TTLL12: variants seen among roughly 807,000 people sequenced by gnomAD.
TTLL12 encodes the protein tubulin--tyrosine ligase-like protein 12.
TTLL12 carries 77 observed loss-of-function variants against 79.6 expected under a neutral mutation model. The observed-to-expected ratio is 0.97, with a 90% confidence interval of 0.81 to 1.17. The LOEUF is 1.17. Among genes scored for constraint, TTLL12 ranks in the 50% most tolerant of loss-of-function variants. The probability of loss-of-function intolerance (pLI) is 0.00; values close to 1 mark genes in which losing one functional copy is unlikely to be tolerated. For missense variants in TTLL12, 969 were observed against 895.9 expected (o/e 1.08, Z -1.04); for synonymous variants, 437 against 376.1 (o/e 1.16, Z -1.87).
chr22:43,186,577 C>T (rs1163668521), intron 1 of TTLL12, among the ~76,000 whole-genome samples: 1 of 152,210 alleles, frequency 6.6e-6, no homozygotes, highest in African/African-American at 2.4e-5. Flanking sequence ...CCGCAGTGTT[C>T]TCATCTGTGA....
chr22:43,186,998 G>A lies in TTLL12; in HGVS notation c.72C>T (p.Gly24=), dbSNP rs1601779368. The change falls in exon 1 of 14, where the codon GGC becomes GGT. Residue 24 remains glycine, a synonymous_variant. Transcript: ENST00000216129. ...RSSPGQTPEE[G]AQALAEFAAL... ...CCGCGAACTCGGCCAAGGCCTGCGC[G>A]CCCTCCTCCGGCGTCTGGCCCGGGC... 6 of 1,277,514 alleles carry A rather than the reference G, an allele frequency of 4.7e-6. No individual in the cohort carries two copies. Among genetic ancestry groups the A allele is most frequent in the South Asian group, 4.5e-5 (2 of 44,294 alleles). The allele number at this position is 1,277,514 out of a possible 1,614,324, so 79.1% of individuals were successfully genotyped here.
At chr22:43,186,644 G>A (rs1932192320) in intron 1 of TTLL12, among the ~76,000 whole-genome samples, 1 of 152,170 alleles carries the variant, frequency 6.6e-6, no homozygotes, top group Non-Finnish European at 1.5e-5. Flanking sequence ...GGTGTGTGGA[G>A]GACCTAAAGT....
Position 43,182,960 on chromosome 22 carries a change from G to A in TTLL12, c.347+20C>T, listed in dbSNP as rs764423413. Reference sequence around the variant, plus strand: ...TTCACCAAGTGAAGGTTGTGGTGGTGTCTCTGGCCAGGCTCCTACCTGTTG... The same window carrying A: ...TTCACCAAGTGAAGGTTGTGGTGGTATCTCTGGCCAGGCTCCTACCTGTTG... On this transcript the variant is annotated intron_variant, in intron 2 of 13. Transcript: ENST00000216129. 156 of 1,607,992 alleles carry A rather than the reference G, an allele frequency of 9.7e-5. No individual in the cohort carries two copies. The highest frequency in any genetic ancestry group is 1.3e-4 in the Non-Finnish European group (149 of 1,175,676).
chr22:43,179,820 G>A (rs1469328778), intron 4 of TTLL12, 21 bp downstream of exon 4: 1 of 1,561,028 alleles, frequency 6.4e-7, no homozygotes, highest in Admixed American at 1.8e-5. Context: ...CTCCTCCAGG[G>A]CGGGCAGGTG....
At chr22:43,172,877 T>C (rs1247939462) in intron 9 of TTLL12, among the ~76,000 whole-genome samples, 1 of 152,062 alleles carries the variant, frequency 6.6e-6, no homozygotes, top group East Asian at 1.9e-4. Context: ...TCTGTATTTT[T>C]AGTAGAGAAG....
Position 43,187,117 on chromosome 22 carries a change from C to G in TTLL12, c.-48G>C, listed in dbSNP as rs1352132629. 1.2e-4 allele frequency: 122 copies of G among 1,057,088 alleles called. 3 individuals carry two copies. Among genetic ancestry groups the G allele is most frequent in the Admixed American group, 2.2e-4 (4 of 17,910 alleles). The allele number at this position is 1,057,088 out of a possible 1,614,324, so 65.5% of individuals were successfully genotyped here. ...CCAGCGCCGCCACCGCCGCCGCCGC[C>G]CGCCGTCCGTCGGCCCTGCCCTCCC... On this transcript the variant is annotated 5_prime_UTR_variant, in exon 1 of 14. Transcript: ENST00000216129.
chr22:43,173,708 G>T lies in TTLL12; in HGVS notation c.1341+7C>A, dbSNP rs775536714. 1.3e-6 allele frequency: 2 copies of T among 1,599,902 alleles called. No individual in the cohort carries two copies. Among genetic ancestry groups the T allele is most frequent in the South Asian group, 2.2e-5 (2 of 91,026 alleles). On this transcript the variant is annotated splice_region_variant and intron_variant, in intron 9 of 13. Coordinates refer to ENST00000216129, the MANE Select transcript of TTLL12 (RefSeq NM_015140.4). ...GAGCCCTGGGGCTCCTGGTCTGCGGGGCCCACCTTGGGGGTGCTCTCTCGG... is the reference window on the plus strand; with the variant it reads ...GAGCCCTGGGGCTCCTGGTCTGCGGTGCCCACCTTGGGGGTGCTCTCTCGG...
Position 43,167,826 on chromosome 22 carries a change from A to AG in TTLL12, c.*181dup. The stretch of plus-strand genomic sequence containing the variant: ...ACTGTCCTGCTCTGACCCACAGGTG[A>AG]GAGGAGGATGCTGTGCTCCCGGAGT... On this transcript the variant is annotated 3_prime_UTR_variant, in exon 14 of 14. Coordinates refer to ENST00000216129, the MANE Select transcript of TTLL12 (RefSeq NM_015140.4). 2 of 671,524 alleles carry AG rather than the reference A, an allele frequency of 3.0e-6. No individual in the cohort carries two copies. Among genetic ancestry groups the AG allele is most frequent in the Non-Finnish European group, 5.0e-6 (2 of 402,958 alleles). The allele number at this position is 671,524 out of a possible 1,614,324, so 41.6% of individuals were successfully genotyped here.
In TTLL12 at chr22:43,186,954, A is replaced by G; in HGVS notation, c.116T>C (p.Leu39Pro). Residue 39 changes from leucine (L) to proline (P), a missense_variant, in exon 1 of 14, where the codon CTG becomes CCG. Physicochemically the swap from Leu to Pro is moderately conservative, Grantham distance 98. Coordinates refer to ENST00000216129, the MANE Select transcript of TTLL12 (RefSeq NM_015140.4). ...ACGTTCGGGGACCCCCGAAGCGCGCAGCGCCGGGCCGTGCAGCGCCGCGAA... is the reference window on the plus strand; with the variant it reads ...ACGTTCGGGGACCCCCGAAGCGCGCGGCGCCGGGCCGTGCAGCGCCGCGAA... ...AEFAALHGPALRASGVPERYW... is the reference protein window; with the variant it reads ...AEFAALHGPAPRASGVPERYW... The G allele has an allele frequency of 7.4e-7, 1 of 1,346,374 alleles. No individual in the cohort carries two copies. The highest frequency in any genetic ancestry group is 1.7e-5 in the South Asian group (1 of 59,550). 83.4% of individuals were successfully genotyped at this position (1,346,374 alleles called of 1,614,324 possible).
At position 43,172,595 on chromosome 22, in the gene TTLL12, AG is replaced by A. The variant is rs1931795702; in HGVS notation, c.1342-42del. Reference sequence around the variant, plus strand: ...GCAAGCTCGCTGGTGGCCAGGACAGAGCCCCCTGGGGCTCCCGAGCACACAA... The same window carrying A: ...GCAAGCTCGCTGGTGGCCAGGACAGACCCCCTGGGGCTCCCGAGCACACAA... On this transcript the variant is annotated intron_variant, in intron 9 of 13. Coordinates refer to ENST00000216129, the MANE Select transcript of TTLL12 (RefSeq NM_015140.4). 1.9e-6 allele frequency: 3 copies of A among 1,612,430 alleles called. No individual in the cohort carries two copies. The South Asian group carries it at 3.3e-5, about 18-fold the overall frequency.
intron 2 of TTLL12, 149 bp downstream of exon 2, chr22:43,182,831 G>A: frequency 9.0e-7 from 1 of 1,108,838 alleles, no homozygotes; most frequent in South Asian, 1.6e-5. Flanking sequence ...AAGCCCTGAT[G>A]GACACACCGC....
In TTLL12 at chr22:43,179,729, A is replaced by T. The variant is rs373925828; in HGVS notation, c.730T>A (p.Tyr244Asn). The T allele has an allele frequency of 1.7e-5, 27 of 1,563,892 alleles. No homozygotes were observed. Among genetic ancestry groups the T allele is most frequent in the Non-Finnish European group, 2.3e-5 (27 of 1,153,740 alleles). Residue 244 changes from tyrosine (Y) to asparagine (N), a missense_variant, in exon 5 of 14, where the codon TAC becomes AAC. Coordinates refer to ENST00000216129, the MANE Select transcript of TTLL12 (RefSeq NM_015140.4). Reference protein sequence around the residue: ...TGEEVTRDFAYGETDPLIRKC... With the variant: ...TGEEVTRDFANGETDPLIRKC... ...CGGATCAGGGGGTCCGTCTCTCCGTAGGCAAAGTCTCGGGTCACCTCCTCT... is the reference window on the plus strand; with the variant it reads ...CGGATCAGGGGGTCCGTCTCTCCGTTGGCAAAGTCTCGGGTCACCTCCTCT...
In TTLL12 at chr22:43,174,278, A is replaced by C; in HGVS notation, c.1160T>G (p.Leu387Arg). 1 of 1,611,060 alleles carries C rather than the reference A, an allele frequency of 6.2e-7. No homozygotes were observed. Among genetic ancestry groups the C allele is most frequent in the Non-Finnish European group, 8.5e-7 (1 of 1,179,786 alleles). ...AGTGCGCAGGTTGAAGGTTCGGGGC[A>C]GCCAGGGTGGGCCCTCGGGGCCACC... is the stretch of plus-strand genomic sequence containing the variant. The part of the protein sequence containing the change: ...RAGGPEGPPW[L>R]PRTFNLRTEL... Residue 387 changes from leucine (L) to arginine (R), a missense_variant, in exon 8 of 14, where the codon CTG becomes CGG. Transcript: ENST00000216129.
At chr22:43,186,360 A>G (rs1932186587) in intron 1 of TTLL12, among the ~76,000 whole-genome samples, 1 of 152,234 alleles carries the variant, frequency 6.6e-6, no homozygotes, top group Non-Finnish European at 1.5e-5. Context: ...AGGCTTCTCA[A>G]TCTTTTCCAT....
chr22:43,181,670 C>G (rs566196816), intron 2 of TTLL12, among the ~76,000 whole-genome samples: 46 of 152,338 alleles, frequency 3.0e-4, no homozygotes, highest in African/African-American at 1.1e-3. Context: ...CACACAGGTG[C>G]CTAATAGACA....
chr22:43,179,588 G>GACAGGC (rs1931999240), intron 5 of TTLL12, 31 bp downstream of exon 5: 1 of 1,532,964 alleles, frequency 6.5e-7, no homozygotes, highest in Non-Finnish European at 8.7e-7. Flanking sequence ...CTACCAAGCA[G>GACAGGC]ACAGGCCTGG....
At position 43,179,687 on chromosome 22, in the gene TTLL12, G is replaced by T; in HGVS notation, c.772C>A (p.Pro258Thr). The change falls in exon 5 of 14, where the codon CCC (proline) becomes ACC (threonine). Residue 258 changes from proline (P) to threonine (T), a missense_variant. Coordinates refer to ENST00000216129, the MANE Select transcript of TTLL12 (RefSeq NM_015140.4). ...DPLIRKCMLL[P>T]WAPTDMLDLS... is the part of the protein sequence containing the mutation. ...TCCAGCATGTCGGTGGGGGCCCAGG[G>T]CAGCAGCATGCACTTCCGGATCAGG... 6.4e-7 allele frequency: 1 copy of T among 1,572,734 alleles called. No homozygotes were observed. Among genetic ancestry groups the T allele is most frequent in the South Asian group, 1.2e-5 (1 of 85,388 alleles).
In TTLL12 at chr22:43,186,997, C is replaced by T. The variant is rs1932202220; in HGVS notation, c.73G>A (p.Ala25Thr). 2 of 1,277,478 alleles carry T rather than the reference C, an allele frequency of 1.6e-6. No individual in the cohort carries two copies. The highest frequency in any genetic ancestry group is 2.0e-6 in the Non-Finnish European group (2 of 1,009,038). The allele number at this position is 1,277,478 out of a possible 1,614,324, so 79.1% of individuals were successfully genotyped here. A position where few individuals can be genotyped will look rare whatever the true frequency, so the allele number is the denominator to read the frequency against. The change falls in exon 1 of 14, where the codon GCG (alanine) becomes ACG (threonine). Residue 25 changes from alanine (A) to threonine (T), a missense_variant. By Grantham distance (58) the Ala-to-Thr change is moderately conservative. Coordinates refer to ENST00000216129, the MANE Select transcript of TTLL12 (RefSeq NM_015140.4). ...GCCGCGAACTCGGCCAAGGCCTGCGCGCCCTCCTCCGGCGTCTGGCCCGGG... is the reference window on the plus strand; with the variant it reads ...GCCGCGAACTCGGCCAAGGCCTGCGTGCCCTCCTCCGGCGTCTGGCCCGGG... ...SSPGQTPEEG[A>T]QALAEFAALH...
At chr22:43,176,133 C>T (rs544229243) in intron 6 of TTLL12, among the ~76,000 whole-genome samples, 187 bp downstream of exon 6, 8 of 152,076 alleles carry the variant, frequency 5.3e-5, no homozygotes, top group South Asian at 2.1e-4. Flanking sequence ...TCACTTTCTG[C>T]GGCATTTTCT....
Sources: allele counts gnomAD v4.1 joint callset (sites outside exome capture counted in the v4.1 genomes callset), GRCh38; gene constraint gnomAD v4.1.1; transcripts MANE v1.5; gene names NCBI Gene and HGNC (gene_info 2026-07-23, HGNC 2026-07-21).